The following SPECC1 variants were observed in gnomAD, a reference collection of about 807,000 sequenced individuals.
The protein encoded by SPECC1 is sperm antigen with calponin homology and coiled-coil domains 1.
A neutral mutation model predicts 104.1 loss-of-function variants in SPECC1; 62 were observed. The observed-to-expected ratio is 0.60, with a 90% CI of 0.49 to 0.74. SPECC1 has a LOEUF of 0.74. Ranked by LOEUF, SPECC1 falls within the 30% of genes least tolerant of loss-of-function variation. SPECC1 has a pLI of 0.00. For missense variants in SPECC1, 1,306 were observed against 1,310.5 expected (o/e 1.00, Z 0.05); for synonymous variants, 513 against 501.6 (o/e 1.02, Z -0.30).
intron 14 of SPECC1, among the ~76,000 whole-genome samples, chr17:20,308,245 C>T (rs983937166): frequency 2.0e-5 from 3 of 151,696 alleles, no homozygotes; most frequent in Non-Finnish European, 2.9e-5. Context: ...CAAAATTGGC[C>T]AGGTGTGGTG....
chr17:20,282,034 G>A (rs1442560861), intron 12 of SPECC1, among the ~76,000 whole-genome samples: 1 of 152,264 alleles, frequency 6.6e-6, no homozygotes, highest in African/African-American at 2.4e-5. Flanking sequence ...TTGGGCTGGA[G>A]GAAGTGGACC....
At chr17:20,076,995 T>C (rs1209125701) in intron 1 of SPECC1, among the ~76,000 whole-genome samples, 2 of 152,218 alleles carry the variant, frequency 1.3e-5, no homozygotes, top group Non-Finnish European at 2.9e-5. Flanking sequence ...TTTTGATCAT[T>C]TTATGGGATC....
rs748505339 is a variant in SPECC1 at position 20,227,607 on chromosome 17, C to CG, written c.2058_2059insG (p.Ser687GlufsTer2). ...TCAAGTTACACAATAATCAACTCATCAGTGAGCTAGAAAGTAAGTGGGGTC... is the reference window on the plus strand; with the variant it reads ...TCAAGTTACACAATAATCAACTCATCGAGTGAGCTAGAAAGTAAGTGGGGTC... On this transcript the variant is annotated frameshift_variant, in exon 5 of 15. Transcript: ENST00000395527. LOFTEE classifies it high-confidence loss of function. 1 of 1,611,544 alleles carries CG rather than the reference C, an allele frequency of 6.2e-7. No individual in the cohort carries two copies. The highest frequency in any genetic ancestry group is 2.2e-5 in the East Asian group (1 of 44,848).
chr17:20,106,868 G>A (rs1241706762), intron 2 of SPECC1, among the ~76,000 whole-genome samples: 8 of 152,100 alleles, frequency 5.3e-5, no homozygotes, highest in Admixed American at 5.2e-4. Context: ...CAGAAAATGT[G>A]GTCGTGGGCC....
At chr17:20,265,007 ATTTTC>A (rs2040170428) in intron 12 of SPECC1, among the ~76,000 whole-genome samples, 1 of 151,896 alleles carries the variant, frequency 6.6e-6, no homozygotes, top group South Asian at 2.1e-4. Context: ...TATTTACCAC[ATTTTC>A]TTTATCCAAC....
intron 2 of SPECC1, among the ~76,000 whole-genome samples, chr17:20,102,074 A>G (rs2047971057): frequency 6.6e-6 from 1 of 152,272 alleles, no homozygotes; most frequent in African/African-American, 2.4e-5. Context: ...ACCGAAGTGC[A>G]CACCTTCATA....
chr17:20,065,757 T>C (rs1464536987), intron 1 of SPECC1, among the ~76,000 whole-genome samples: 4 of 152,196 alleles, frequency 2.6e-5, no homozygotes, highest in Admixed American at 6.5e-5. Flanking sequence ...TTCCTTCCTT[T>C]AGGGTATAGT....
chr17:20,060,065 C>G (rs933020821), intron 1 of SPECC1, among the ~76,000 whole-genome samples: 2 of 152,120 alleles, frequency 1.3e-5, no homozygotes, highest in Non-Finnish European at 2.9e-5. Flanking sequence ...GTTCTCTTTT[C>G]TCTTTGATGA....
chr17:20,247,345 T>C (rs1266953884), intron 9 of SPECC1, 26 bp downstream of exon 9: 1 of 1,536,400 alleles, frequency 6.5e-7, no homozygotes, highest in Admixed American at 1.7e-5. Context: ...AAATAACCAC[T>C]GCTTATGGTT....
intron 7 of SPECC1, chr17:20,239,381 G>C (rs554671019): frequency 1.4e-6 from 1 of 691,980 alleles, no homozygotes; most frequent in African/African-American, 1.9e-5. Context: ...AATATGTATA[G>C]GGTTCATTTT....
In SPECC1 at chr17:20,049,453, T is replaced by C. The variant is rs536881211; in HGVS notation, c.-22+40029T>C. 2.0e-5 allele frequency among the ~76,000 whole-genome samples: 3 copies of C among 152,352 alleles called. No homozygotes were observed. The South Asian group carries it at 6.2e-4, about 32-fold the overall frequency. ...AGTAAAAGTCAGTCTGAGCATCTTA[T>C]GTGCCGAAGAGCCATTTGTATTCTC... is the stretch of plus-strand genomic sequence containing the variant. On this transcript the variant is annotated intron_variant, in intron 1 of 14. Coordinates refer to ENST00000395527, the MANE Select transcript of SPECC1 (RefSeq NM_001243439.2).
Position 20,314,182 on chromosome 17 carries a change from C to G in SPECC1, c.*117C>G, listed in dbSNP as rs538903952. 44 of 833,000 alleles carry G rather than the reference C, an allele frequency of 5.3e-5. No homozygotes were observed. Among genetic ancestry groups the G allele is most frequent in the Non-Finnish European group, 8.4e-5 (43 of 509,650 alleles). The allele number at this position is 833,000 out of a possible 1,614,324, so 51.6% of individuals were successfully genotyped here. On this transcript the variant is annotated 3_prime_UTR_variant, in exon 15 of 15. Transcript: ENST00000395527. Reference sequence around the variant, plus strand: ...CACCCAGCTGCCTAGACTTCAAAGACAGGCTCAATCCAAGTGGACCAACAC... The same window carrying G: ...CACCCAGCTGCCTAGACTTCAAAGAGAGGCTCAATCCAAGTGGACCAACAC...
At chr17:20,129,432 C>A (rs6587218) in intron 3 of SPECC1, among the ~76,000 whole-genome samples, 1 of 151,358 alleles carries the variant, frequency 6.6e-6, no homozygotes, top group Non-Finnish European at 1.5e-5. Context: ...TCGTGATCTA[C>A]GCACCTCGGC....
intron 13 of SPECC1, among the ~76,000 whole-genome samples, chr17:20,299,813 C>T (rs918293659): frequency 1.3e-5 from 2 of 152,060 alleles, no homozygotes; most frequent in Non-Finnish European, 2.9e-5. Context: ...GTGAAATATG[C>T]AGGTGGTGAT....
At chr17:20,255,909 GCT>G (rs2039810913) in intron 10 of SPECC1, among the ~76,000 whole-genome samples, 1 of 148,100 alleles carries the variant, frequency 6.8e-6, no homozygotes, top group Non-Finnish European at 1.5e-5. Flanking sequence ...ATGCAGTCTT[GCT>G]CTGTCACCCA....
chr17:20,256,059 A>G (rs548794873), intron 10 of SPECC1, among the ~76,000 whole-genome samples: 7 of 151,698 alleles, frequency 4.6e-5, no homozygotes, highest in African/African-American at 1.7e-4. Flanking sequence ...TTGTATTTTT[A>G]GTAGAGATGG....
intron 1 of SPECC1, among the ~76,000 whole-genome samples, chr17:20,012,397 T>C (rs1290852656): frequency 6.6e-6 from 1 of 152,020 alleles, no homozygotes; most frequent in East Asian, 1.9e-4. Flanking sequence ...TATTTCTATG[T>C]TTAATATATA....
intron 4 of SPECC1, among the ~76,000 whole-genome samples, chr17:20,212,569 A>G (rs2037223003): frequency 6.6e-6 from 1 of 152,164 alleles, no homozygotes; most frequent in Admixed American, 6.5e-5. Flanking sequence ...ACAGCACAGG[A>G]AAGACCTGCC....
At position 20,315,539 on chromosome 17, in the gene SPECC1, T is replaced by C; in HGVS notation, c.*1474T>C. ...CTGTTTTAAGTGCCAAATAGCGTGTTAGCGCCCCTCCAACAAAGGATCATC... is the reference window on the plus strand; with the variant it reads ...CTGTTTTAAGTGCCAAATAGCGTGTCAGCGCCCCTCCAACAAAGGATCATC... On this transcript the variant is annotated 3_prime_UTR_variant, in exon 15 of 15. Coordinates refer to ENST00000395527, the MANE Select transcript of SPECC1 (RefSeq NM_001243439.2). 4.3e-6 allele frequency: 1 copy of C among 232,978 alleles called. No individual in the cohort carries two copies. Among genetic ancestry groups the C allele is most frequent in the Non-Finnish European group, 8.5e-6 (1 of 117,878 alleles). The allele number at this position is 232,978 out of a possible 1,614,324, so 14.4% of individuals were successfully genotyped here. A position where few individuals can be genotyped will look rare whatever the true frequency, so the allele number is the denominator to read the frequency against.
Sources: allele counts gnomAD v4.1 joint callset (sites outside exome capture counted in the v4.1 genomes callset), GRCh38; gene constraint gnomAD v4.1.1; transcripts MANE v1.5; gene names NCBI Gene and HGNC (gene_info 2026-07-23, HGNC 2026-07-21).